The following AUTS2 variants were observed in gnomAD, a reference collection of about 807,000 sequenced individuals.
AUTS2 encodes autism susceptibility gene 2 protein.
A neutral mutation model predicts 112.4 loss-of-function variants in AUTS2; 17 were observed. The observed-to-expected ratio is 0.15, with a 90% confidence interval of 0.10 to 0.23. The LOEUF (loss-of-function observed/expected upper bound fraction) is 0.23. Ranked by LOEUF, AUTS2 falls within the 10% of genes least tolerant of loss-of-function variation. The pLI, the probability that AUTS2 is intolerant of heterozygous loss-of-function variation, is 1.00. For synonymous variants in AUTS2, 751 were observed against 702.7 expected (o/e 1.07, Z -1.09); for missense variants, 1,510 against 1,701.6 (o/e 0.89, Z 1.98).
At chr7:69,974,730 A>G (rs550503358) in intron 2 of AUTS2, among the ~76,000 whole-genome samples, 2 of 152,320 alleles carry the variant, frequency 1.3e-5, no homozygotes, top group Admixed American at 1.3e-4. Context: ...TAAGTCTACC[A>G]ATTCAAATGC....
At chr7:70,183,481 G>A (rs1480153022) in intron 4 of AUTS2, among the ~76,000 whole-genome samples, 1 of 152,184 alleles carries the variant, frequency 6.6e-6, no homozygotes, top group Non-Finnish European at 1.5e-5. Context: ...CTCCCCTCAT[G>A]GTTTTGGCCC....
intron 2 of AUTS2, among the ~76,000 whole-genome samples, chr7:69,951,885 A>T (rs769187287): frequency 6.6e-6 from 1 of 152,170 alleles, no homozygotes; most frequent in Non-Finnish European, 1.5e-5. Context: ...GTCCATTTGA[A>T]GGCTTCTTCC....
chr7:69,885,589 T>A (rs1159370479), intron 1 of AUTS2, among the ~76,000 whole-genome samples: 2 of 152,120 alleles, frequency 1.3e-5, no homozygotes, highest in African/African-American at 4.8e-5. Flanking sequence ...TAGAAATAAA[T>A]CTGTAATGAC....
At position 70,764,933 on chromosome 7, in the gene AUTS2, C is replaced by G; in HGVS notation, c.1396C>G (p.Leu466Val). 1 of 1,612,438 alleles carries G rather than the reference C, an allele frequency of 6.2e-7. No homozygotes were observed. Among genetic ancestry groups the G allele is most frequent in the Non-Finnish European group, 8.5e-7 (1 of 1,179,714 alleles). ...HPNMFAPPTA[L>V]PPPPPLTSGS... ...CAATATGTTTGCCCCTCCCACTGCT[C>G]TGCCTCCTCCACCACCACTGACATC... Residue 466 changes from leucine to valine, a missense_variant, in exon 8 of 19, where the codon CTG becomes GTG. Coordinates refer to ENST00000342771, the MANE Select transcript of AUTS2 (RefSeq NM_015570.4).
rs912921822 is a variant in AUTS2 at position 70,607,525 on chromosome 7, G to A, written c.691-91044G>A. ...ACTGGAAGAGTCTGGGGAACTTTGG[G>A]AGATTAAAGGATAGAGATGGTGGAT... On this transcript the variant is annotated intron_variant, in intron 5 of 18. Transcript: ENST00000342771. Among the ~76,000 whole-genome samples, 98 of 152,284 alleles carry A rather than the reference G, an allele frequency of 6.4e-4. 1 individual carries two copies. Among genetic ancestry groups the A allele is most frequent in the Admixed American group, 2.1e-3 (32 of 15,298 alleles).
At chr7:70,354,087 T>C (rs1230753438) in intron 4 of AUTS2, among the ~76,000 whole-genome samples, 1 of 152,244 alleles carries the variant, frequency 6.6e-6, no homozygotes, top group Non-Finnish European at 1.5e-5. Flanking sequence ...CATTTGCTGA[T>C]GTCTGGCAAC....
intron 4 of AUTS2, among the ~76,000 whole-genome samples, chr7:70,333,377 A>T (rs985465537): frequency 6.6e-6 from 1 of 152,204 alleles, no homozygotes; most frequent in African/African-American, 2.4e-5. Context: ...ACTTAGTTCA[A>T]CCATTGTGGA....
At chr7:70,383,332 T>C (rs2129633000) in intron 4 of AUTS2, among the ~76,000 whole-genome samples, 1 of 152,148 alleles carries the variant, frequency 6.6e-6, no homozygotes, top group Non-Finnish European at 1.5e-5. Context: ...CCTGGGAAAA[T>C]GTTTAGAGAT....
intron 4 of AUTS2, among the ~76,000 whole-genome samples, chr7:70,408,652 A>G (rs1794644582): frequency 6.6e-6 from 1 of 152,132 alleles, no homozygotes; most frequent in African/African-American, 2.4e-5. Context: ...TACTTCCCCC[A>G]CCACCTCCCC....
At chr7:70,448,929 C>T (rs920917132) in intron 5 of AUTS2, among the ~76,000 whole-genome samples, 1 of 152,178 alleles carries the variant, frequency 6.6e-6, no homozygotes, top group Admixed American at 6.5e-5. Context: ...TCCACCCTTC[C>T]GTATGAAGAG....
intron 5 of AUTS2, among the ~76,000 whole-genome samples, chr7:70,649,983 G>T (rs1317401911): frequency 2.0e-5 from 3 of 152,188 alleles, no homozygotes; most frequent in Non-Finnish European, 4.4e-5. Flanking sequence ...TTCAACCATG[G>T]CAGGGGGGCG....
At chr7:69,694,599 C>T (rs1433989279) in intron 1 of AUTS2, among the ~76,000 whole-genome samples, 4 of 152,058 alleles carry the variant, frequency 2.6e-5, no homozygotes, top group Non-Finnish European at 5.9e-5. Context: ...GGCAACATGG[C>T]AAAACCATGT....
chr7:70,234,848 G>A (rs1812236691), intron 4 of AUTS2, among the ~76,000 whole-genome samples: 1 of 152,032 alleles, frequency 6.6e-6, no homozygotes, highest in Non-Finnish European at 1.5e-5. Flanking sequence ...GAGTAATTTG[G>A]GAAAAACAGA....
chr7:70,536,304 A>G lies in AUTS2; in HGVS notation c.690+100523A>G, dbSNP rs540324629. ...ACTCCATCTCAAAAAATTAAAAAATAAAAGTAATTAAGAGTCAAAGGGCAT... is the reference window on the plus strand; with the variant it reads ...ACTCCATCTCAAAAAATTAAAAAATGAAAGTAATTAAGAGTCAAAGGGCAT... On this transcript the variant is annotated intron_variant, in intron 5 of 18. Coordinates refer to ENST00000342771, the MANE Select transcript of AUTS2 (RefSeq NM_015570.4). 5.9e-5 allele frequency among the ~76,000 whole-genome samples: 9 copies of G among 152,318 alleles called. 1 individual carries two copies. In the South Asian group the frequency reaches 1.7e-3, roughly 28 times the overall value.
chr7:70,099,466 T>A (rs1231766539), intron 2 of AUTS2, among the ~76,000 whole-genome samples: 2 of 152,018 alleles, frequency 1.3e-5, no homozygotes, highest in African/African-American at 4.8e-5. Context: ...GTGGGGGTCA[T>A]TTTTTTGGCT....
intron 2 of AUTS2, among the ~76,000 whole-genome samples, chr7:69,919,675 G>C (rs1185764635): frequency 1.3e-5 from 2 of 152,108 alleles, no homozygotes; most frequent in South Asian, 2.1e-4. Context: ...CTCAGTTTCT[G>C]TGATTGTACC....
intron 4 of AUTS2, among the ~76,000 whole-genome samples, chr7:70,349,438 C>T (rs1465448021): frequency 6.6e-6 from 1 of 152,192 alleles, no homozygotes; most frequent in Non-Finnish European, 1.5e-5. Context: ...AATTCAAAAA[C>T]CATCACAAAG....
rs565003683 is a variant in AUTS2 at position 69,991,166 on chromosome 7, G to C, written c.522+91668G>C. On this transcript the variant is annotated intron_variant, in intron 2 of 18. Transcript: ENST00000342771. ...CCAGGCAGATCTGCCTTGAAATTCCGGGGAAATCAGAACAGGAACCTCTTC... is the reference window on the plus strand; with the variant it reads ...CCAGGCAGATCTGCCTTGAAATTCCCGGGAAATCAGAACAGGAACCTCTTC... 5.9e-5 allele frequency among the ~76,000 whole-genome samples: 9 copies of C among 152,230 alleles called. 1 individual carries two copies. The highest frequency in any genetic ancestry group is 2.2e-4 in the African/African-American group (9 of 41,552).
intron 1 of AUTS2, among the ~76,000 whole-genome samples, chr7:69,661,537 A>T (rs1795797842): frequency 6.6e-6 from 1 of 152,210 alleles, no homozygotes; most frequent in South Asian, 2.1e-4. Context: ...CTGCCTCTAT[A>T]AATACATTGT....
Sources: allele counts gnomAD v4.1 joint callset (sites outside exome capture counted in the v4.1 genomes callset), GRCh38; gene constraint gnomAD v4.1.1; transcripts MANE v1.5; gene names NCBI Gene and HGNC (gene_info 2026-07-23, HGNC 2026-07-21).